CSMD3: variants seen among roughly 807,000 people sequenced by gnomAD.
The protein encoded by CSMD3 is CUB and Sushi multiple domains 3.
CSMD3 carries 177 observed loss-of-function variants against 435.2 expected under a neutral mutation model. The ratio of observed to expected loss-of-function variants is 0.41; its 90% confidence interval spans 0.36 to 0.46. The LOEUF (loss-of-function observed/expected upper bound fraction) is 0.46. CSMD3 is among the 20% of genes least tolerant of loss of function. The pLI, the probability that CSMD3 is intolerant of heterozygous loss-of-function variation, is 0.34. For synonymous variants in CSMD3, 1,656 were observed against 1,520.5 expected (o/e 1.09, Z -2.07); for missense variants, 4,265 against 4,504.6 (o/e 0.95, Z 1.52).
At chr8:113,368,624 C>A (rs1413075573) in intron 1 of CSMD3, among the ~76,000 whole-genome samples, 1 of 152,174 alleles carries the variant, frequency 6.6e-6, no homozygotes, top group East Asian at 1.9e-4. Context: ...AAATGTTTAA[C>A]CCTTTTATCC....
chr8:113,126,923 C>T (rs1441955055), intron 4 of CSMD3, among the ~76,000 whole-genome samples: 3 of 151,900 alleles, frequency 2.0e-5, no homozygotes, highest in Non-Finnish European at 4.4e-5. Context: ...AATTCCTTCC[C>T]CTCTTGTTTT....
chr8:112,871,191 T>A (rs1010043526), intron 10 of CSMD3, among the ~76,000 whole-genome samples: 5 of 152,208 alleles, frequency 3.3e-5, no homozygotes, highest in African/African-American at 1.2e-4. Context: ...AGATGTATAC[T>A]CTTTGAATGT....
At chr8:112,855,091 T>C (rs1272667017) in intron 11 of CSMD3, among the ~76,000 whole-genome samples, 1 of 152,196 alleles carries the variant, frequency 6.6e-6, no homozygotes, top group Non-Finnish European at 1.5e-5. Flanking sequence ...CAAATGCATG[T>C]TGAAATCATA....
At chr8:112,261,616 T>C (rs1816408491) in intron 61 of CSMD3, among the ~76,000 whole-genome samples, 1 of 152,048 alleles carries the variant, frequency 6.6e-6, no homozygotes, top group African/African-American at 2.4e-5. Context: ...CTGACAACAA[T>C]ATTCTTGAAC....
chr8:112,615,989 C>T (rs983038595), intron 22 of CSMD3, among the ~76,000 whole-genome samples: 43 of 152,228 alleles, frequency 2.8e-4, no homozygotes, highest in African/African-American at 9.6e-4. Flanking sequence ...CATGAAGCTT[C>T]TTTGTGCCAC....
intron 22 of CSMD3, among the ~76,000 whole-genome samples, chr8:112,634,475 T>C (rs1423535174): frequency 6.6e-6 from 1 of 152,002 alleles, no homozygotes; most frequent in East Asian, 1.9e-4. Flanking sequence ...TAATTGTAAA[T>C]TTTAATAAGC....
Position 113,035,750 on chromosome 8 carries a change from G to A in CSMD3, c.918-16571C>T, listed in dbSNP as rs571237791. 5.8e-4 allele frequency among the ~76,000 whole-genome samples: 88 copies of A among 151,914 alleles called. 1 individual carries two copies. Among genetic ancestry groups the A allele is most frequent in the African/African-American group, 2.0e-3 (82 of 41,520 alleles). On this transcript the variant is annotated intron_variant, in intron 5 of 70. Transcript: ENST00000297405. ...TTAGAGGCATAAAATTGGAGAAAAA[G>A]AAATTTATTCACTGAAATAAAAGGA...
At chr8:113,139,994 T>C (rs62519801) in intron 4 of CSMD3, among the ~76,000 whole-genome samples, 51,410 of 150,658 alleles carry the variant, frequency 0.34, 9,656 homozygotes, top group East Asian at 0.69. Flanking sequence ...GCAAATGCAA[T>C]ATGCAAGCAC....
chr8:113,074,518 G>T (rs1163013229), intron 5 of CSMD3, among the ~76,000 whole-genome samples: 1 of 151,776 alleles, frequency 6.6e-6, no homozygotes, highest in African/African-American at 2.4e-5. Flanking sequence ...TAGGAAATTA[G>T]AATGTAAATT....
intron 53 of CSMD3, among the ~76,000 whole-genome samples, chr8:112,300,779 A>G (rs1245260544): frequency 6.6e-6 from 1 of 152,182 alleles, no homozygotes; most frequent in African/African-American, 2.4e-5. Context: ...GAGAAAAAAG[A>G]CATTTTAACC....
intron 4 of CSMD3, among the ~76,000 whole-genome samples, chr8:113,121,363 G>C (rs1365845694): frequency 6.6e-6 from 1 of 152,078 alleles, no homozygotes; most frequent in African/African-American, 2.4e-5. Context: ...ATATTATTAT[G>C]TGCTTCTGAG....
rs145807955 is a variant in CSMD3 at position 112,729,715 on chromosome 8, C to G, written c.1973-39665G>C. On this transcript the variant is annotated intron_variant, in intron 13 of 70. Transcript: ENST00000297405. ...TGCTTAAAAGGGATTATTTTTTCCT[C>G]TCTCTTATATGGACACACAGAAGAG... Among the ~76,000 whole-genome samples the G allele has an allele frequency of 1.4e-4, 22 of 152,118 alleles. No homozygotes were observed. In the East Asian group the frequency reaches 4.3e-3, roughly 29 times the overall value.
intron 27 of CSMD3, among the ~76,000 whole-genome samples, chr8:112,525,809 T>TATAC (rs1399949725): frequency 2.1e-4 from 25 of 121,576 alleles, no homozygotes; most frequent in African/African-American, 7.9e-4. Flanking sequence ...TATATATATA[T>TATAC]ACACACACAT....
At chr8:112,958,271 A>G (rs2084103395) in intron 7 of CSMD3, among the ~76,000 whole-genome samples, 1 of 152,096 alleles carries the variant, frequency 6.6e-6, no homozygotes, top group Non-Finnish European at 1.5e-5. Context: ...ACAAAGATTC[A>G]TTTTCTTTTC....
At chr8:113,386,995 C>A (rs1015395630) in intron 1 of CSMD3, among the ~76,000 whole-genome samples, 1 of 151,550 alleles carries the variant, frequency 6.6e-6, no homozygotes, top group African/African-American at 2.4e-5. Flanking sequence ...TAAAACTAAA[C>A]CTGGGAAAAT....
intron 3 of CSMD3, among the ~76,000 whole-genome samples, chr8:113,216,440 G>A (rs1051776568): frequency 2.0e-5 from 3 of 151,820 alleles, no homozygotes; most frequent in Non-Finnish European, 2.9e-5. Flanking sequence ...TATGAGTGAT[G>A]TTGTCAAGAG....
Position 112,789,705 on chromosome 8 carries a change from T to C in CSMD3, c.1972+10457A>G, listed in dbSNP as rs539869951. ...TTTTTATTATTGACATAATGCTGTT[T>C]TAAAGAAACGTCAAATCATAATTTT... On this transcript the variant is annotated intron_variant, in intron 13 of 70. Coordinates refer to ENST00000297405, the MANE Select transcript of CSMD3 (RefSeq NM_198123.2). Among the ~76,000 whole-genome samples, 9 of 152,182 alleles carry C rather than the reference T, an allele frequency of 5.9e-5. No individual in the cohort carries two copies. In the South Asian group the frequency reaches 1.4e-3, roughly 25 times the overall value.
At chr8:112,662,290 A>G (rs958730037) in intron 17 of CSMD3, among the ~76,000 whole-genome samples, 3 of 152,212 alleles carry the variant, frequency 2.0e-5, no homozygotes, top group African/African-American at 7.2e-5. Context: ...AGGCTACAGT[A>G]ACCAAAACAG....
At chr8:112,314,365 A>G in intron 48 of CSMD3, 64 bp downstream of exon 48, 1 of 1,193,674 alleles carries the variant, frequency 8.4e-7, no homozygotes, top group Non-Finnish European at 1.2e-6. Context: ...CTCAAAGTTT[A>G]CATGTATAAT....
Sources: allele counts gnomAD v4.1 joint callset (sites outside exome capture counted in the v4.1 genomes callset), GRCh38; gene constraint gnomAD v4.1.1; transcripts MANE v1.5; gene names NCBI Gene and HGNC (gene_info 2026-07-23, HGNC 2026-07-21).